Variants in ALDH16A1 observed in about 807,000 individuals in gnomAD.
ALDH16A1 encodes the protein aldehyde dehydrogenase 16 family member A1.
Under a neutral mutation model 96.1 loss-of-function variants are expected in ALDH16A1, and 88 were observed. The ratio of observed to expected loss-of-function variants is 0.92; its 90% CI spans 0.77 to 1.09. The LOEUF (loss-of-function observed/expected upper bound fraction) is 1.09, where lower values mean the gene tolerates loss of function less well. Among genes scored for constraint, ALDH16A1 ranks in the 50% least tolerant of loss-of-function variants. The pLI is 0.00. For synonymous variants in ALDH16A1, 522 were observed against 496.4 expected (o/e 1.05, Z -0.69); for missense variants, 1,250 against 1,112.6 (o/e 1.12, Z -1.76).
chr19:49,454,875 T>C (rs2079095405), intron 1 of ALDH16A1, among the ~76,000 whole-genome samples: 1 of 152,016 alleles, frequency 6.6e-6, no homozygotes. Context: ...TCCCAGCACT[T>C]TGGGAGTCCT....
rs2079225025 is a variant in ALDH16A1, at chr19:49,469,209, A to AG, written c.2247+227dup. On this transcript the variant is annotated intron_variant, in intron 16 of 16. Transcript: ENST00000293350. ...CTGCCTAGCCCAAAGACCTCGTCTC[A>AG]GGGGACAGCCCGTTGCTAAGGACCA... is the stretch of plus-strand genomic sequence containing the variant. 4 of 520,584 alleles carry AG rather than the reference A, an allele frequency of 7.7e-6. No individual in the cohort carries two copies. The South Asian group carries it at 8.3e-5, about 11-fold the overall frequency. 32.2% of individuals were successfully genotyped at this position (520,584 alleles called of 1,614,324 possible).
chr19:49,467,892 C>T (rs1481533469), intron 14 of ALDH16A1, among the ~76,000 whole-genome samples: 1 of 150,998 alleles, frequency 6.6e-6, no homozygotes, highest in Non-Finnish European at 1.5e-5. Context: ...CAGTGGCTCA[C>T]GCCTGTAATC....
At position 49,462,588 on chromosome 19, in the gene ALDH16A1, A is replaced by G. The variant is rs753706372; in HGVS notation, c.931A>G (p.Ile311Val). Reference sequence around the variant, plus strand: ...CTCACAGGGTGGCCTCAGGCTCCTCATCCAGGAGTCTGTGTGGGATGAAGC... The same window carrying G: ...CTCACAGGGTGGCCTCAGGCTCCTCGTCCAGGAGTCTGTGTGGGATGAAGC... ...DRGPGGLRLL[I>V]QESVWDEAMR... Residue 311 changes from isoleucine (I) to valine (V), a missense_variant, in exon 8 of 17, where the codon ATC becomes GTC. Physicochemically the swap from Ile to Val is conservative, Grantham distance 29. Transcript: ENST00000293350. 3.7e-5 allele frequency: 59 copies of G among 1,612,790 alleles called. No homozygotes were observed. The highest frequency in any genetic ancestry group is 5.0e-5 in the Non-Finnish European group (59 of 1,179,876).
At position 49,461,869 on chromosome 19, in the gene ALDH16A1, G is replaced by C. The variant is rs187190066; in HGVS notation, c.760-15G>C. 8 of 1,571,266 alleles carry C rather than the reference G, an allele frequency of 5.1e-6. No individual in the cohort carries two copies. The highest frequency in any genetic ancestry group is 3.4e-5 in the South Asian group (3 of 87,726). On this transcript the variant is annotated splice_polypyrimidine_tract_variant and intron_variant, in intron 6 of 16. Transcript: ENST00000293350. ...GCAAGGCTCCTCCTGCGGCTGAACT[G>C]GGGGGGGTCCCTAGGAAGGGCGTGC...
rs777849705 is a variant in ALDH16A1, at chr19:49,462,752, A to G, written c.1095A>G (p.Ala365=). The G allele has an allele frequency of 1.9e-6, 3 of 1,581,640 alleles. No homozygotes were observed. In the Admixed American group the frequency reaches 5.6e-5, roughly 29 times the overall value. ...TGCGTGAGGCCCAGAGCCAGGGTGC[A>G]CAGGTGAGGCAGGGGGTAGAGACTT... is the stretch of plus-strand genomic sequence containing the variant. ...RFVREAQSQG[A]QVFQAGDVPS... Residue 365 remains alanine, a synonymous_variant, in exon 8 of 17, where the codon GCA becomes GCG. Transcript: ENST00000293350.
Position 49,468,574 on chromosome 19 carries a change from C to T in ALDH16A1, c.2124+8C>T, listed in dbSNP as rs756088631. 6.2e-7 allele frequency: 1 copy of T among 1,601,608 alleles called. No individual in the cohort carries two copies. Among genetic ancestry groups the T allele is most frequent in the East Asian group, 2.2e-5 (1 of 44,840 alleles). On this transcript the variant is annotated splice_region_variant and intron_variant, in intron 15 of 16. Transcript: ENST00000293350. This position sits in a 1 kb window ranked among gnomAD's most constrained non-coding sequence, Gnocchi z 4.4. ...GCCCTGGAGGTCTGCCAGGTATAGCCCCCTGCCTTCCTGCCTCTCCTCCCC... is the reference window on the plus strand; with the variant it reads ...GCCCTGGAGGTCTGCCAGGTATAGCTCCCTGCCTTCCTGCCTCTCCTCCCC...
chr19:49,468,318 G>A lies in ALDH16A1; in HGVS notation c.1939-63G>A. 1 of 1,523,716 alleles carries A rather than the reference G, an allele frequency of 6.6e-7. No individual in the cohort carries two copies. The highest frequency in any genetic ancestry group is 8.9e-7 in the Non-Finnish European group (1 of 1,127,420). 94.4% of individuals were successfully genotyped at this position (1,523,716 alleles called of 1,614,324 possible). A position where few individuals can be genotyped will look rare whatever the true frequency, so the allele number is the denominator to read the frequency against. On this transcript the variant is annotated intron_variant, in intron 14 of 16. Coordinates refer to ENST00000293350, the MANE Select transcript of ALDH16A1 (RefSeq NM_153329.4). This position sits in a 1 kb window ranked among gnomAD's most constrained non-coding sequence, Gnocchi z 4.4. ...GTGTTGGGGAGAATGTAGAGGAACT[G>A]GATCTCTCATTTACTGCGGGCGGGG...
Position 49,461,953 on chromosome 19 carries a change from T to TCGCTGCTGCTGCTGACGGACA in ALDH16A1, c.832_852dup (p.Leu278_Thr284dup). The TCGCTGCTGCTGCTGACGGACA allele has an allele frequency of 6.4e-7, 1 of 1,567,258 alleles. No individual in the cohort carries two copies. Among genetic ancestry groups the TCGCTGCTGCTGCTGACGGACA allele is most frequent in the Non-Finnish European group, 8.6e-7 (1 of 1,159,020 alleles). On this transcript the variant is annotated inframe_insertion, in exon 7 of 17. Transcript: ENST00000293350. ...GCTGGGCCTGGCGCTGGGGACGGAG[T>TCGCTGCTGCTGCTGACGGACA]CGCTGCTGCTGCTGACGGACACGGC...
chr19:49,468,923 T>C lies in ALDH16A1; in HGVS notation c.2184T>C (p.His728=), dbSNP rs780334747. 2 of 1,614,074 alleles carry C rather than the reference T, an allele frequency of 1.2e-6. No individual in the cohort carries two copies. The highest frequency in any genetic ancestry group is 3.3e-5 in the Admixed American group (2 of 60,004). Residue 728 remains histidine, a synonymous_variant, in exon 16 of 17, where the codon CAT becomes CAC. Coordinates refer to ENST00000293350, the MANE Select transcript of ALDH16A1 (RefSeq NM_153329.4). This position sits in a 1 kb window ranked among gnomAD's most constrained non-coding sequence, Gnocchi z 4.4. ...LANVVTGDRD[H]LTRCLALHQD... Reference sequence around the variant, plus strand: ...ACGTGGTGACAGGAGACCGGGACCATCTGACCCGCTGCCTGGCCTTGCACC... The same window carrying C: ...ACGTGGTGACAGGAGACCGGGACCACCTGACCCGCTGCCTGGCCTTGCACC...
In ALDH16A1 at chr19:49,467,807, C is replaced by T. The variant is rs1467501555; in HGVS notation, c.1939-574C>T. On this transcript the variant is annotated intron_variant, in intron 14 of 16. Transcript: ENST00000293350. ...TGGTTTGCTGCACCTATTGACCTGC[C>T]CTCTAAGTTCCCTCCCCTTGCCTCC... 2.6e-5 allele frequency among the ~76,000 whole-genome samples: 4 copies of T among 151,912 alleles called. No homozygotes were observed. In the East Asian group the frequency reaches 5.8e-4, roughly 22 times the overall value.
rs768840117 is a variant in ALDH16A1, at chr19:49,460,877, G to T, written c.555G>T (p.Arg185Ser). Residue 185 changes from arginine (R) to serine (S), a missense_variant, in exon 5 of 17, where the codon AGG (arginine) becomes AGT (serine). Physicochemically the swap from Arg to Ser is moderately radical, Grantham distance 110. Transcript: ENST00000293350. ...TCTCCTTCCTTGAGATGATGTGGAG[G>T]ATTTGCCCTGCCCTGGCTGTGGGTA... ...PTFSFLEMMW[R>S]ICPALAVGCT... 2 of 1,613,688 alleles carry T rather than the reference G, an allele frequency of 1.2e-6. No individual in the cohort carries two copies. The highest frequency in any genetic ancestry group is 1.7e-6 in the Non-Finnish European group (2 of 1,179,988).
chr19:49,453,662 C>G (rs563085109), intron 1 of ALDH16A1, among the ~76,000 whole-genome samples: 40 of 152,286 alleles, frequency 2.6e-4, no homozygotes, highest in Non-Finnish European at 4.9e-4. Context: ...ATCCTGAACT[C>G]CTCGTAGTGT....
rs746208144 is a variant in ALDH16A1, at chr19:49,461,681, G to A, written c.640G>A (p.Ala214Thr). 6.2e-7 allele frequency: 1 copy of A among 1,608,150 alleles called. No individual in the cohort carries two copies. Among genetic ancestry groups the A allele is most frequent in the Non-Finnish European group, 8.5e-7 (1 of 1,177,566 alleles). The change falls in exon 6 of 17, where the codon GCG becomes ACG. Residue 214 changes from alanine (A) to threonine (T), a missense_variant. By Grantham distance (58) the Ala-to-Thr change is moderately conservative. Transcript: ENST00000293350. The part of the protein sequence containing the change: ...SPAPLLLAQL[A>T]GELGPFPGIL... ...GGCGCCCCTCCTCCTGGCCCAGCTG[G>A]CGGGGGAGCTGGGCCCCTTCCCGGG...
At position 49,459,827 on chromosome 19, in the gene ALDH16A1, C is replaced by G. The variant is rs1164969429; in HGVS notation, c.478C>G (p.Leu160Val). ...CCAGGCATCCACCCAGGAGGAGGCA[C>G]TGGCAGGCTGGGAGCCCATGGGTGA... ...AIQASTQEEA[L>V]AGWEPMGVIG... Residue 160 changes from leucine (L) to valine (V), a missense_variant, in exon 4 of 17, where the codon CTG becomes GTG. Coordinates refer to ENST00000293350, the MANE Select transcript of ALDH16A1 (RefSeq NM_153329.4). This position sits in a 1 kb window ranked among gnomAD's most constrained non-coding sequence, Gnocchi z 4.1. The G allele has an allele frequency of 6.2e-7, 1 of 1,613,254 alleles. No individual in the cohort carries two copies. The highest frequency in any genetic ancestry group is 1.3e-5 in the African/African-American group (1 of 74,890).
At position 49,461,765 on chromosome 19, in the gene ALDH16A1, G is replaced by A. The variant is rs750871882; in HGVS notation, c.724G>A (p.Gly242Arg). The change falls in exon 6 of 17, where the codon GGA becomes AGA. Residue 242 changes from glycine to arginine, a missense_variant. Transcript: ENST00000293350. ...SLVPILASQP[G>R]IRKVAFCGAP... is the part of the protein sequence containing the mutation. ...GGTGCCCATCCTGGCCTCCCAGCCT[G>A]GAATCCGGAAGGTGGCCTTCTGCGG... The A allele has an allele frequency of 6.2e-7, 1 of 1,611,342 alleles. No homozygotes were observed. The highest frequency in any genetic ancestry group is 1.1e-5 in the South Asian group (1 of 90,680).
intron 12 of ALDH16A1, among the ~76,000 whole-genome samples, chr19:49,465,278 T>A (rs2079188552): frequency 7.1e-6 from 1 of 141,618 alleles, no homozygotes; most frequent in African/African-American, 2.7e-5. Flanking sequence ...CCGGGGCTCA[T>A]GGGAACAGGA....
Position 49,465,777 on chromosome 19 carries a change from C to G in ALDH16A1, c.1608C>G (p.Phe536Leu). ...PPYGLFVGGR[F>L]QAPGARSSRP... ...ATGGGCTCTTCGTTGGGGGCCGTTT[C>G]CAGGCTCCTGGGGCCCGAAGCTCCA... is the stretch of plus-strand genomic sequence containing the variant. The change falls in exon 13 of 17, where the codon TTC becomes TTG. Residue 536 changes from phenylalanine to leucine, a missense_variant. Transcript: ENST00000293350. 1 of 1,614,106 alleles carries G rather than the reference C, an allele frequency of 6.2e-7. No individual in the cohort carries two copies. The highest frequency in any genetic ancestry group is 8.5e-7 in the Non-Finnish European group (1 of 1,179,974).
Position 49,459,592 on chromosome 19 carries a change from C to T in ALDH16A1, c.321-78C>T, listed in dbSNP as rs1338500732. The T allele has an allele frequency of 4.1e-6, 6 of 1,477,982 alleles. No homozygotes were observed. In the African/African-American group the frequency reaches 5.7e-5, roughly 14 times the overall value. The allele number at this position is 1,477,982 out of a possible 1,614,324, so 91.6% of individuals were successfully genotyped here. A position where few individuals can be genotyped will look rare whatever the true frequency, so the allele number is the denominator to read the frequency against. The stretch of plus-strand genomic sequence containing the variant: ...TCAGGGGCTCATGGGGATTGTAGTC[C>T]AGGTATATAGGAGCAGCCCAGGACT... On this transcript the variant is annotated intron_variant, in intron 3 of 16. Coordinates refer to ENST00000293350, the MANE Select transcript of ALDH16A1 (RefSeq NM_153329.4). The surrounding 1 kb of genome is among the most constrained non-coding windows in gnomAD (Gnocchi z 4.1).
rs746495747 is a variant in ALDH16A1, at chr19:49,464,518, C to G, written c.1433C>G (p.Pro478Arg). 6.2e-7 allele frequency: 1 copy of G among 1,613,870 alleles called. No individual in the cohort carries two copies. Among genetic ancestry groups the G allele is most frequent in the South Asian group, 1.1e-5 (1 of 91,074 alleles). Residue 478 changes from proline (P) to arginine (R), a missense_variant, in exon 11 of 17, where the codon CCA (proline) becomes CGA (arginine). Physicochemically the swap from Pro to Arg is moderately radical, Grantham distance 103. Transcript: ENST00000293350. ...KESGCSWHGG[P>R]DGLYEYLRPS... ...AGTGGGTGTTCCTGGCACGGGGGCC[C>G]AGACGTGAGTACATCCCCTCCCCGT...
Sources: gnomAD v4.1 joint callset for allele counts (sites outside exome capture counted in the v4.1 genomes callset) on GRCh38, gnomAD v4.1.1 for gene constraint, Gnocchi (gnomAD v3.1) non-coding constraint, MANE v1.5 for transcripts, NCBI Gene and HGNC (gene_info 2026-07-23, HGNC 2026-07-21) for gene names.